EYS: variants seen among roughly 807,000 people sequenced by gnomAD.
EYS encodes protein eyes shut homolog.
Under a neutral mutation model 282.1 loss-of-function variants are expected in EYS, and 250 were observed. That is an observed-to-expected ratio of 0.89 (90% CI 0.80 to 0.98). EYS has a LOEUF of 0.98. Ranked by LOEUF, EYS falls within the 50% of genes least tolerant of loss-of-function variation. The pLI, the probability that EYS is intolerant of heterozygous loss-of-function variation, is 0.00. For missense variants in EYS, 4,016 were observed against 3,709.0 expected, an observed-to-expected ratio of 1.08 and a Z score of -2.15; for synonymous variants, 1,355 against 1,282.9, an observed-to-expected ratio of 1.06 and a Z score of -1.20.
At chr6:65,453,720 G>A (rs1764496187) in intron 5 of EYS, among the ~76,000 whole-genome samples, 1 of 151,768 alleles carries the variant, frequency 6.6e-6, no homozygotes, top group Non-Finnish European at 1.5e-5. Flanking sequence ...TCTACTCTAA[G>A]CTTCTAAGAT....
chr6:64,393,103 G>A (rs1265139754), intron 28 of EYS, among the ~76,000 whole-genome samples: 1 of 152,162 alleles, frequency 6.6e-6, no homozygotes, highest in East Asian at 1.9e-4. Flanking sequence ...TCTCTGAATA[G>A]ACCAATAGCA....
chr6:64,803,215 C>T (rs1021664630), intron 22 of EYS, among the ~76,000 whole-genome samples: 1 of 152,128 alleles, frequency 6.6e-6, no homozygotes, highest in Non-Finnish European at 1.5e-5. Context: ...TGGGTAGCTC[C>T]TTTCCAGCTC....
At chr6:64,193,591 A>G (rs1199922027) in intron 31 of EYS, among the ~76,000 whole-genome samples, 6 of 151,948 alleles carry the variant, frequency 3.9e-5, no homozygotes, top group African/African-American at 1.2e-4. Flanking sequence ...ATGTTGGTGT[A>G]CTGCACCCGT....
chr6:64,948,553 A>G (rs1368023555), intron 14 of EYS, among the ~76,000 whole-genome samples: 2 of 138,744 alleles, frequency 1.4e-5, no homozygotes, highest in Non-Finnish European at 3.2e-5. Flanking sequence ...TATAATTAAT[A>G]TTAATATTTA....
At chr6:64,608,990 A>G (rs1767022487) in intron 24 of EYS, among the ~76,000 whole-genome samples, 1 of 152,146 alleles carries the variant, frequency 6.6e-6, no homozygotes, top group Admixed American at 6.6e-5. Flanking sequence ...GTCATTATGC[A>G]TTTGTTCAGA....
chr6:64,675,595 A>G (rs912660737), intron 22 of EYS, among the ~76,000 whole-genome samples: 1 of 151,224 alleles, frequency 6.6e-6, no homozygotes, highest in Non-Finnish European at 1.5e-5. Flanking sequence ...ATACCTGGCT[A>G]ATGTTTGTAT....
chr6:64,326,744 T>C (rs910704945), intron 29 of EYS, among the ~76,000 whole-genome samples: 1 of 152,092 alleles, frequency 6.6e-6, no homozygotes, highest in African/African-American at 2.4e-5. Context: ...GGAAGGAGAA[T>C]GGCCCTCCTG....
intron 13 of EYS, among the ~76,000 whole-genome samples, chr6:65,015,976 C>T (rs143232651): frequency 0.01 from 1,520 of 148,452 alleles, 12 homozygotes; most frequent in Non-Finnish European, 0.016. Context: ...ACCCAGGAGG[C>T]AGATGTTGCA....
chr6:65,028,659 T>C (rs1215468310), intron 13 of EYS, among the ~76,000 whole-genome samples: 2 of 152,090 alleles, frequency 1.3e-5, no homozygotes, highest in Non-Finnish European at 2.9e-5. Flanking sequence ...ACAGAAGTGA[T>C]ATGTTATCCT....
At position 64,117,168 on chromosome 6, in the gene EYS, C is replaced by A. The variant is rs571294076; in HGVS notation, c.6425-35166G>T. Among the ~76,000 whole-genome samples, 14 of 151,920 alleles carry A rather than the reference C, an allele frequency of 9.2e-5. No individual in the cohort carries two copies. The South Asian group carries it at 2.9e-3, about 32-fold the overall frequency. On this transcript the variant is annotated intron_variant, in intron 31 of 42. Coordinates refer to ENST00000503581, the MANE Select transcript of EYS (RefSeq NM_001142800.2). ...TCTCCAGCATAGATTGTATTTTAGG[C>A]TACAAAAAAAGTCTTAACAAACTTA...
At chr6:64,709,081 A>G (rs1241325154) in intron 22 of EYS, among the ~76,000 whole-genome samples, 2 of 152,180 alleles carry the variant, frequency 1.3e-5, no homozygotes, top group Non-Finnish European at 2.9e-5. Context: ...AATGGAAAAT[A>G]CAGATGAAAA....
intron 37 of EYS, among the ~76,000 whole-genome samples, chr6:63,796,039 G>T (rs1433377811): frequency 6.6e-6 from 1 of 152,164 alleles, no homozygotes; most frequent in African/African-American, 2.4e-5. Flanking sequence ...TCAAGCCATG[G>T]ATTCATTAAT....
intron 12 of EYS, among the ~76,000 whole-genome samples, chr6:65,268,088 ATGC>A (rs1409388966): frequency 6.6e-6 from 1 of 152,058 alleles, no homozygotes; most frequent in Non-Finnish European, 1.5e-5. Context: ...CAATGTAAAA[ATGC>A]TGTTATGCTG....
At chr6:65,428,949 G>A (rs974404579) in intron 5 of EYS, among the ~76,000 whole-genome samples, 2 of 152,034 alleles carry the variant, frequency 1.3e-5, no homozygotes. Flanking sequence ...TTGGGAGGCC[G>A]AGGCAGGCAG....
chr6:65,160,109 CG>C (rs1387845352), intron 12 of EYS, among the ~76,000 whole-genome samples: 2 of 150,458 alleles, frequency 1.3e-5, no homozygotes, highest in South Asian at 4.1e-4. Flanking sequence ...ATCAGTACAG[CG>C]TTTTTTTTGT....
Position 65,005,183 on chromosome 6 carries a change from C to T in EYS, c.2138-7480G>A, listed in dbSNP as rs144800801. On this transcript the variant is annotated intron_variant, in intron 13 of 42. Transcript: ENST00000503581. Reference sequence around the variant, plus strand: ...ATCCCTTGAGATCTGGCAGGATGTCCGCTGTGCTCCTGATCCAGCGAGGCG... The same window carrying T: ...ATCCCTTGAGATCTGGCAGGATGTCTGCTGTGCTCCTGATCCAGCGAGGCG... Among the ~76,000 whole-genome samples, 63 of 147,962 alleles carry T rather than the reference C, an allele frequency of 4.3e-4. 6 individuals carry two copies. The highest frequency in any genetic ancestry group is 7.3e-4 in the Non-Finnish European group (48 of 65,988).
In EYS at chr6:65,334,772, C is replaced by A. The variant is rs62408719; in HGVS notation, c.1766+208G>T. ...TATACAGATATATTCCTTCTTCCCT[C>A]CTTTTATTGTGCTAGAATTGTTATA... On this transcript the variant is annotated intron_variant, in intron 11 of 42. Transcript: ENST00000503581. 7.9e-3 allele frequency: 4,205 copies of A among 533,058 alleles called. 48 individuals are homozygous for A. Among genetic ancestry groups the A allele is most frequent in the Non-Finnish European group, 8.8e-3 (2,668 of 303,274 alleles). The allele number at this position is 533,058 out of a possible 1,614,324, so 33.0% of individuals were successfully genotyped here.
rs569044824 is a variant in EYS at position 64,498,667 on chromosome 6, C to T, written c.5645-59315G>A. Among the ~76,000 whole-genome samples the T allele has an allele frequency of 9.5e-4, 144 of 152,022 alleles. 1 individual carries two copies. Among genetic ancestry groups the T allele is most frequent in the Non-Finnish European group, 1.4e-3 (97 of 67,988 alleles). On this transcript the variant is annotated intron_variant, in intron 26 of 42. Transcript: ENST00000503581. Reference sequence around the variant, plus strand: ...GGCCCTGGTGTGTGATGTTCCCCTCCCTGTGTCCATGTGTTCTCATTGTTC... The same window carrying T: ...GGCCCTGGTGTGTGATGTTCCCCTCTCTGTGTCCATGTGTTCTCATTGTTC...
chr6:65,574,397 A>G (rs189569518), intron 2 of EYS, among the ~76,000 whole-genome samples: 1 of 152,326 alleles, frequency 6.6e-6, no homozygotes, highest in Non-Finnish European at 1.5e-5. Context: ...ATAACACATA[A>G]GAATGTATGT....
Sources: gnomAD v4.1 joint callset for allele counts (sites outside exome capture counted in the v4.1 genomes callset) on GRCh38, gnomAD v4.1.1 for gene constraint, MANE v1.5 for transcripts, NCBI Gene and HGNC (gene_info 2026-07-23, HGNC 2026-07-21) for gene names.